Variants in VPS41 observed in about 807,000 individuals in gnomAD.
The protein encoded by VPS41 is VPS41 subunit of HOPS complex, also known as vacuolar protein sorting-associated protein 41 homolog.
In VPS41, 85 loss-of-function variants were observed where a neutral mutation model predicts 130.9. The observed-to-expected ratio is 0.65, with a 90% CI of 0.55 to 0.78. VPS41 has a LOEUF of 0.78. VPS41 is among the 30% of genes least tolerant of loss of function. The pLI is 0.00. For missense variants in VPS41, 874 were observed against 1,018.7 expected, an observed-to-expected ratio of 0.86 and a Z score of 1.93; for synonymous variants, 335 against 332.9, an observed-to-expected ratio of 1.01 and a Z score of -0.07.
intron 2 of VPS41, among the ~76,000 whole-genome samples, chr7:38,897,374 G>C (rs575232810): frequency 1.3e-5 from 2 of 151,342 alleles, no homozygotes; most frequent in South Asian, 2.1e-4. Context: ...GGCCGGGCGC[G>C]GTGGCTCACG....
intron 7 of VPS41, among the ~76,000 whole-genome samples, chr7:38,811,109 T>C (rs1421868984): frequency 6.6e-6 from 1 of 152,236 alleles, no homozygotes; most frequent in South Asian, 2.1e-4. Flanking sequence ...ACCTTCTAAA[T>C]GCCTTTAGTT....
chr7:38,879,218 A>G (rs1395775247), intron 2 of VPS41, among the ~76,000 whole-genome samples: 1 of 152,196 alleles, frequency 6.6e-6, no homozygotes, highest in Non-Finnish European at 1.5e-5. Flanking sequence ...ATGAGGGTCA[A>G]GGAAAGCTGG....
chr7:38,905,982 G>A (rs571010634), intron 1 of VPS41, among the ~76,000 whole-genome samples: 4 of 151,766 alleles, frequency 2.6e-5, no homozygotes, highest in Non-Finnish European at 5.9e-5. Context: ...TTTTAGTAGT[G>A]ACGGGGTTTC....
chr7:38,757,450 A>G (rs1000297250), intron 18 of VPS41, among the ~76,000 whole-genome samples: 1 of 152,188 alleles, frequency 6.6e-6, no homozygotes, highest in Non-Finnish European at 1.5e-5. Context: ...TGTTTTTCAC[A>G]TTAAGTCCCT....
At chr7:38,772,313 C>T (rs1291919064) in intron 13 of VPS41, among the ~76,000 whole-genome samples, 1 of 152,150 alleles carries the variant, frequency 6.6e-6, no homozygotes, top group East Asian at 1.9e-4. Context: ...AACTCCTCCC[C>T]CACTTAACAG....
chr7:38,852,854 T>C (rs1785889307), intron 4 of VPS41, among the ~76,000 whole-genome samples: 1 of 152,226 alleles, frequency 6.6e-6, no homozygotes, highest in African/African-American at 2.4e-5. Flanking sequence ...GACATCCGAT[T>C]TACCATCATC....
chr7:38,732,829 T>C (rs907063375), intron 25 of VPS41, among the ~76,000 whole-genome samples: 1 of 152,194 alleles, frequency 6.6e-6, no homozygotes, highest in African/African-American at 2.4e-5. Context: ...AGTTTTATTA[T>C]TTTTAATTAA....
intron 4 of VPS41, among the ~76,000 whole-genome samples, chr7:38,836,475 A>C (rs1274227459): frequency 3.9e-5 from 6 of 152,170 alleles, no homozygotes; most frequent in African/African-American, 9.6e-5. Context: ...TAGTTCTAAG[A>C]ATGAATCCAG....
chr7:38,902,510 TG>T, intron 1 of VPS41, among the ~76,000 whole-genome samples: 1 of 152,208 alleles, frequency 6.6e-6, no homozygotes, highest in Non-Finnish European at 1.5e-5. Flanking sequence ...TACTCCTGAC[TG>T]TATGTCTACA....
At chr7:38,821,159 C>G (rs1425308467) in intron 6 of VPS41, 44 bp downstream of exon 6, 10 of 1,483,238 alleles carry the variant, frequency 6.7e-6, no homozygotes, top group Admixed American at 5.1e-5. Flanking sequence ...TATTGCCTTA[C>G]TTGAGAAAAC....
intron 1 of VPS41, among the ~76,000 whole-genome samples, chr7:38,902,360 C>T (rs933555389): frequency 6.6e-6 from 1 of 152,194 alleles, no homozygotes; most frequent in Non-Finnish European, 1.5e-5. Context: ...TCCAGCCACA[C>T]TGGAGGACCC....
chr7:38,856,872 T>C (rs569337814), intron 4 of VPS41, among the ~76,000 whole-genome samples: 13 of 152,270 alleles, frequency 8.5e-5, no homozygotes, highest in African/African-American at 2.9e-4. Context: ...GGCAAGCCCA[T>C]GGCAATATTT....
intron 6 of VPS41, among the ~76,000 whole-genome samples, chr7:38,818,950 A>G (rs1249538896): frequency 1.3e-5 from 2 of 152,086 alleles, no homozygotes; most frequent in East Asian, 3.9e-4. Flanking sequence ...AAACACTCCT[A>G]CCTCCCAGGT....
intron 5 of VPS41, among the ~76,000 whole-genome samples, chr7:38,822,091 G>A (rs914876930): frequency 6.6e-6 from 1 of 152,164 alleles, no homozygotes; most frequent in African/African-American, 2.4e-5. Context: ...AAAGATTTAA[G>A]TTCCTGCTTA....
intron 3 of VPS41, among the ~76,000 whole-genome samples, chr7:38,864,732 C>T (rs1235080987): frequency 6.6e-6 from 1 of 151,596 alleles, no homozygotes; most frequent in Non-Finnish European, 1.5e-5. Flanking sequence ...CATTAAAAGC[C>T]TTGAACTTTT....
At chr7:38,898,228 C>A in intron 1 of VPS41, 99 bp from the exon 2 acceptor site, 2 of 993,294 alleles carry the variant, frequency 2.0e-6, no homozygotes, top group Non-Finnish European at 3.1e-6. Context: ...CACGCATCTG[C>A]CCTTTTTGGA....
chr7:38,810,364 T>C (rs944279704), intron 7 of VPS41, among the ~76,000 whole-genome samples: 2 of 151,976 alleles, frequency 1.3e-5, no homozygotes, highest in Non-Finnish European at 2.9e-5. Context: ...CAGGGTTTCT[T>C]CTGTTACATT....
intron 7 of VPS41, chr7:38,797,183 T>C (rs1784638110): frequency 5.0e-6 from 1 of 198,590 alleles, no homozygotes; most frequent in African/African-American, 2.3e-5. Flanking sequence ...CAAAAGTTCT[T>C]CAAATGATTG....
At chr7:38,770,683 T>C (rs1482457321) in intron 14 of VPS41, among the ~76,000 whole-genome samples, 3 of 152,190 alleles carry the variant, frequency 2.0e-5, no homozygotes, top group Non-Finnish European at 4.4e-5. Flanking sequence ...GGATGTGAGT[T>C]CCTCTGCTCT....
Sources: allele counts gnomAD v4.1 joint callset (sites outside exome capture counted in the v4.1 genomes callset), GRCh38; gene constraint gnomAD v4.1.1; transcripts MANE v1.5; gene names NCBI Gene and HGNC (gene_info 2026-07-23, HGNC 2026-07-21).